TENT2: variants seen among roughly 807,000 people sequenced by gnomAD.
The protein encoded by TENT2 is poly(A) RNA polymerase GLD2.
A neutral mutation model predicts 72.2 loss-of-function variants in TENT2; 44 were observed. The ratio of observed to expected loss-of-function variants is 0.61; its 90% CI spans 0.48 to 0.78. The LOEUF is 0.78. Ranked by LOEUF, TENT2 falls within the 30% of genes least tolerant of loss-of-function variation. TENT2 has a pLI of 0.00. For missense variants in TENT2, 541 were observed against 569.6 expected, an observed-to-expected ratio of 0.95 and a Z score of 0.51; for synonymous variants, 212 against 192.5, an observed-to-expected ratio of 1.10 and a Z score of -0.84.
intron 4 of TENT2, among the ~76,000 whole-genome samples, chr5:79,636,091 C>T (rs928444837): frequency 0.067 from 6 of 90 alleles, no homozygotes; most frequent in South Asian, 0.5. Flanking sequence ...CTAAATAGTT[C>T]GCCAACCCTG....
intron 14 of TENT2, among the ~76,000 whole-genome samples, chr5:79,683,291 ACACACACATG>A (rs1213161867): frequency 3.1e-4 from 47 of 150,818 alleles, no homozygotes; most frequent in African/African-American, 1.1e-3. Context: ...CATAGTTCAC[ACACACACATG>A]CACGCACATG....
At chr5:79,643,870 G>C (rs985569593) in intron 7 of TENT2, among the ~76,000 whole-genome samples, 3 of 151,846 alleles carry the variant, frequency 2.0e-5, no homozygotes, top group Non-Finnish European at 4.4e-5. Context: ...TTAGTAACTT[G>C]CCTGGAGTAT....
intron 12 of TENT2, among the ~76,000 whole-genome samples, chr5:79,672,158 G>C (rs1375209371): frequency 6.6e-6 from 1 of 151,878 alleles, no homozygotes; most frequent in Non-Finnish European, 1.5e-5. Context: ...CCTTGCTGCT[G>C]AAATACTTCT....
At chr5:79,638,330 T>C (rs1223918264) in intron 4 of TENT2, among the ~76,000 whole-genome samples, 1 of 152,110 alleles carries the variant, frequency 6.6e-6, no homozygotes, top group Non-Finnish European at 1.5e-5. Flanking sequence ...GGTCCTGTTA[T>C]AATAAAAAAT....
chr5:79,681,149 G>GTT (rs1491515558), intron 13 of TENT2, among the ~76,000 whole-genome samples: 15 of 76,790 alleles, frequency 2.0e-4, no homozygotes, highest in South Asian at 4.7e-4. Flanking sequence ...TCTTTTCTTT[G>GTT]ATTTTTTTTT....
At chr5:79,629,148 T>G (rs1772948745) in intron 4 of TENT2, among the ~76,000 whole-genome samples, 1 of 152,216 alleles carries the variant, frequency 6.6e-6, no homozygotes, top group Admixed American at 6.5e-5. Context: ...GACTCCATAC[T>G]GAGGGGTTTT....
At chr5:79,658,295 A>G (rs189739883) in intron 11 of TENT2, among the ~76,000 whole-genome samples, 26 of 152,298 alleles carry the variant, frequency 1.7e-4, no homozygotes, top group African/African-American at 6.3e-4. Flanking sequence ...AAATGAAAGA[A>G]AGAACAGAAA....
intron 4 of TENT2, among the ~76,000 whole-genome samples, chr5:79,634,311 C>T (rs1196553097): frequency 6.6e-6 from 1 of 151,980 alleles, no homozygotes; most frequent in African/African-American, 2.4e-5. Context: ...TGAACATTCA[C>T]ATTTGGAAGA....
At chr5:79,645,071 C>T (rs1787749548) in intron 7 of TENT2, 52 bp from the exon 8 acceptor site, 1 of 1,436,704 alleles carries the variant, frequency 7.0e-7, no homozygotes, top group Non-Finnish European at 9.5e-7. Context: ...CGTTGGAACA[C>T]TGTGAATTCT....
intron 12 of TENT2, among the ~76,000 whole-genome samples, chr5:79,673,850 A>G (rs947693683): frequency 1.3e-5 from 2 of 152,176 alleles, no homozygotes; most frequent in African/African-American, 2.4e-5. Context: ...ATTTAACGCT[A>G]TGAAACTCCT....
intron 11 of TENT2, among the ~76,000 whole-genome samples, chr5:79,659,244 A>T (rs893649131): frequency 6.6e-6 from 1 of 151,784 alleles, no homozygotes; most frequent in African/African-American, 2.4e-5. Context: ...GCTATTATTA[A>T]TAATAACCAT....
intron 10 of TENT2, 110 bp downstream of exon 10, chr5:79,649,300 AAGGTCCATGAAACACATT>A (rs1468467748): frequency 1.0e-5 from 10 of 997,704 alleles, no homozygotes; most frequent in Non-Finnish European, 1.3e-5. Flanking sequence ...AGTTCTTTCT[AAGGTCCATGAAACACATT>A]TCCTGTTTTG....
intron 12 of TENT2, among the ~76,000 whole-genome samples, chr5:79,676,210 A>G (rs1239632137): frequency 6.6e-6 from 1 of 151,758 alleles, no homozygotes; most frequent in Non-Finnish European, 1.5e-5. Context: ...TATCAGACTC[A>G]TAATTTTGAC....
intron 12 of TENT2, among the ~76,000 whole-genome samples, chr5:79,677,011 C>T (rs903060557): frequency 8.5e-5 from 13 of 152,136 alleles, no homozygotes; most frequent in Non-Finnish European, 1.6e-4. Context: ...CTGCAGTGAG[C>T]CATGATTGTG....
At chr5:79,649,250 C>T in intron 10 of TENT2, 60 bp downstream of exon 10, 1 of 1,487,908 alleles carries the variant, frequency 6.7e-7, no homozygotes. Context: ...ATTATGGTGT[C>T]TTCTCTGTTG....
intron 4 of TENT2, among the ~76,000 whole-genome samples, chr5:79,639,421 T>A (rs1276150483): frequency 2.0e-5 from 3 of 151,944 alleles, no homozygotes; most frequent in Non-Finnish European, 4.4e-5. Flanking sequence ...TTATGATTTT[T>A]AATTTTTTTT....
chr5:79,614,229 A>G (rs1256183238), intron 1 of TENT2: 1 of 150,226 alleles, frequency 6.7e-6, no homozygotes, highest in African/African-American at 2.5e-5. Flanking sequence ...CAGCCTGCCG[A>G]GTAGCTGGGA....
chr5:79,625,319 T>C (rs770746684), intron 4 of TENT2, among the ~76,000 whole-genome samples: 7 of 152,336 alleles, frequency 4.6e-5, no homozygotes, highest in Admixed American at 2.6e-4. Context: ...TATCAGATAA[T>C]GACTTGTGAA....
chr5:79,643,781 A>T lies in TENT2; in HGVS notation c.751+871A>T, dbSNP rs181234642. ...ATTAAAAATGGAAGGGCCCTTAAAG[A>T]TCATGTAATTCACATGAATTTTTTT... is the stretch of plus-strand genomic sequence containing the variant. On this transcript the variant is annotated intron_variant, in intron 7 of 14. Transcript: ENST00000453514. Among the ~76,000 whole-genome samples the T allele has an allele frequency of 9.2e-5, 14 of 152,192 alleles. No homozygotes were observed. The East Asian group carries it at 2.7e-3, about 29-fold the overall frequency.
Sources: gnomAD v4.1 joint callset for allele counts (sites outside exome capture counted in the v4.1 genomes callset) on GRCh38, gnomAD v4.1.1 for gene constraint, MANE v1.5 for transcripts, NCBI Gene and HGNC (gene_info 2026-07-23, HGNC 2026-07-21) for gene names.